The following BCL2 variants were observed in gnomAD, a reference collection of about 807,000 sequenced individuals.
BCL2 encodes the protein apoptosis regulator Bcl-2.
A neutral mutation model predicts 14.2 loss-of-function variants in BCL2; 1 was observed. The observed-to-expected ratio is 0.07, with a 90% CI of 0.02 to 0.33. BCL2 has a LOEUF of 0.33. BCL2 is among the 10% of genes least tolerant of loss of function. The probability of loss-of-function intolerance (pLI) is 0.99; values close to 1 mark genes in which losing one functional copy is unlikely to be tolerated. For missense variants in BCL2, 247 were observed against 305.9 expected (o/e 0.81, Z 1.44); for synonymous variants, 151 against 137.2 (o/e 1.10, Z -0.70).
intron 2 of BCL2, among the ~76,000 whole-genome samples, chr18:63,156,655 G>C (rs1358086949): frequency 6.6e-6 from 1 of 152,182 alleles, no homozygotes; most frequent in Non-Finnish European, 1.5e-5. Flanking sequence ...TACGTAAACA[G>C]AAACAGAAGC....
chr18:63,275,763 A>C (rs1197133022), intron 2 of BCL2, among the ~76,000 whole-genome samples: 1 of 152,250 alleles, frequency 6.6e-6, no homozygotes, highest in African/African-American at 2.4e-5. Flanking sequence ...TTGCAGGCCA[A>C]GCAAACCCTG....
At chr18:63,231,529 A>T (rs1015484455) in intron 2 of BCL2, among the ~76,000 whole-genome samples, 4 of 152,118 alleles carry the variant, frequency 2.6e-5, no homozygotes, top group African/African-American at 9.6e-5. Flanking sequence ...ATTAATATAC[A>T]AACATCCATG....
chr18:63,230,963 C>A (rs1226832253), intron 2 of BCL2, among the ~76,000 whole-genome samples: 1 of 151,792 alleles, frequency 6.6e-6, no homozygotes, highest in Admixed American at 6.6e-5. Context: ...TATAGTATTT[C>A]TTTAATATAC....
In BCL2 at chr18:63,125,704, CT is replaced by C. The variant is rs1250974022; in HGVS notation, c.*2920del. 1 of 213,168 alleles carries C rather than the reference CT, an allele frequency of 4.7e-6. No homozygotes were observed. Among genetic ancestry groups the C allele is most frequent in the Non-Finnish European group, 9.5e-6 (1 of 105,448 alleles). 13.2% of individuals were successfully genotyped at this position (213,168 alleles called of 1,614,324 possible). ...AAAAAAGAAGAGGAGAAAAAAATGACTAGTTGAGGCTTTTATATACATTCAT... is the reference window on the plus strand; with the variant it reads ...AAAAAAGAAGAGGAGAAAAAAATGACAGTTGAGGCTTTTATATACATTCAT... On this transcript the variant is annotated 3_prime_UTR_variant, in exon 3 of 3. Transcript: ENST00000333681.
chr18:63,310,989 T>G (rs1913300756), intron 2 of BCL2, among the ~76,000 whole-genome samples: 1 of 151,936 alleles, frequency 6.6e-6, no homozygotes, highest in Admixed American at 6.6e-5. Context: ...AAATTTTACA[T>G]CCAGAAATGC....
intron 2 of BCL2, among the ~76,000 whole-genome samples, chr18:63,161,416 G>T (rs1231867715): frequency 2.6e-5 from 4 of 152,116 alleles, no homozygotes; most frequent in African/African-American, 9.7e-5. Flanking sequence ...TTTCCATCTC[G>T]CTTGGGACAG....
chr18:63,128,119 C>T lies in BCL2; in HGVS notation c.*506G>A, dbSNP rs1412126035. 4.4e-6 allele frequency: 1 copy of T among 229,080 alleles called. No homozygotes were observed. The highest frequency in any genetic ancestry group is 2.2e-5 in the African/African-American group (1 of 45,038). The allele number at this position is 229,080 out of a possible 1,614,324, so 14.2% of individuals were successfully genotyped here. On this transcript the variant is annotated 3_prime_UTR_variant, in exon 3 of 3. Coordinates refer to ENST00000333681, the MANE Select transcript of BCL2 (RefSeq NM_000633.3). ...CCTCCCTCTGTTAATATCACAGCCC[C>T]CAGGGCAAAGAAATGCAAGTGAATG... is the stretch of plus-strand genomic sequence containing the variant.
chr18:63,272,485 C>T (rs576901889), intron 2 of BCL2, among the ~76,000 whole-genome samples: 48 of 152,140 alleles, frequency 3.2e-4, no homozygotes, highest in African/African-American at 1.0e-3. Context: ...GGTAAACATC[C>T]GAGACAATTC....
chr18:63,195,931 C>A (rs1324422788), intron 2 of BCL2, among the ~76,000 whole-genome samples: 1 of 152,144 alleles, frequency 6.6e-6, no homozygotes, highest in Non-Finnish European at 1.5e-5. Context: ...AATTATAGCC[C>A]AGAGAAAATA....
Position 63,149,500 on chromosome 18 carries a change from G to A in BCL2, c.586-20741C>T, listed in dbSNP as rs906985107. ...GGCTGGTGCCAGACGACTTTCGCTT[G>A]TTCTGTCTCTGTTTCTCTTCTAGCC... On this transcript the variant is annotated intron_variant, in intron 2 of 2. Coordinates refer to ENST00000333681, the MANE Select transcript of BCL2 (RefSeq NM_000633.3). This position sits in a 1 kb window ranked among gnomAD's most constrained non-coding sequence, Gnocchi z 4.2. Among the ~76,000 whole-genome samples the A allele has an allele frequency of 6.6e-6, 1 of 152,188 alleles. No homozygotes were observed. Among genetic ancestry groups the A allele is most frequent in the Non-Finnish European group, 1.5e-5 (1 of 68,038 alleles).
intron 2 of BCL2, among the ~76,000 whole-genome samples, chr18:63,265,385 T>C (rs934387297): frequency 6.6e-6 from 1 of 152,234 alleles, no homozygotes; most frequent in Non-Finnish European, 1.5e-5. Context: ...CCCTGGGATA[T>C]AGATATTACT....
intron 2 of BCL2, among the ~76,000 whole-genome samples, chr18:63,181,942 C>T (rs766232196): frequency 1.2e-4 from 18 of 152,190 alleles, no homozygotes; most frequent in Admixed American, 9.8e-4. Flanking sequence ...GCAGGCACAT[C>T]GTCCTTTTGC....
intron 2 of BCL2, among the ~76,000 whole-genome samples, chr18:63,197,131 T>C (rs1048708074): frequency 6.6e-6 from 1 of 152,230 alleles, no homozygotes; most frequent in African/African-American, 2.4e-5. Flanking sequence ...TTATGGCTTG[T>C]TGACATGTGG....
At chr18:63,132,705 C>T (rs562067971) in intron 2 of BCL2, among the ~76,000 whole-genome samples, 4 of 152,276 alleles carry the variant, frequency 2.6e-5, no homozygotes, top group African/African-American at 2.4e-5. Context: ...AAGCTTCTTT[C>T]GTAGAAAGTC....
At chr18:63,297,170 G>A (rs916395822) in intron 2 of BCL2, among the ~76,000 whole-genome samples, 1 of 151,678 alleles carries the variant, frequency 6.6e-6, no homozygotes, top group Non-Finnish European at 1.5e-5. Flanking sequence ...CCAAGATCAC[G>A]CCACTGCACT....
intron 2 of BCL2, among the ~76,000 whole-genome samples, chr18:63,167,967 G>A (rs1211341979): frequency 1.3e-5 from 2 of 152,104 alleles, no homozygotes; most frequent in African/African-American, 4.8e-5. Flanking sequence ...CAGGACTGAG[G>A]CAGGAGGATC....
At chr18:63,188,311 T>G (rs1417436068) in intron 2 of BCL2, among the ~76,000 whole-genome samples, 1 of 152,220 alleles carries the variant, frequency 6.6e-6, no homozygotes, top group East Asian at 1.9e-4. Context: ...GCTGGCTGCA[T>G]GGCTTTAGCA....
chr18:63,303,665 A>G (rs1248158344), intron 2 of BCL2, among the ~76,000 whole-genome samples: 2 of 152,132 alleles, frequency 1.3e-5, no homozygotes, highest in African/African-American at 2.4e-5. Context: ...CTATAAATCC[A>G]CTTCCTGCCC....
intron 2 of BCL2, among the ~76,000 whole-genome samples, chr18:63,155,455 G>A (rs755774775): frequency 6.6e-6 from 1 of 152,078 alleles, no homozygotes; most frequent in Admixed American, 6.5e-5. Flanking sequence ...GGCCCTTAGT[G>A]GGGGTGAGCT....
Sources: allele counts gnomAD v4.1 joint callset (sites outside exome capture counted in the v4.1 genomes callset), GRCh38; gene constraint gnomAD v4.1.1; non-coding constraint Gnocchi (gnomAD v3.1); transcripts MANE v1.5; gene names NCBI Gene and HGNC (gene_info 2026-07-23, HGNC 2026-07-21).